FOLH1: variants seen among roughly 807,000 people sequenced by gnomAD.
FOLH1 encodes glutamate carboxypeptidase 2.
A neutral mutation model predicts 93.9 loss-of-function variants in FOLH1; 54 were observed. That is an observed-to-expected ratio of 0.57 (90% CI 0.46 to 0.72). The LOEUF (loss-of-function observed/expected upper bound fraction) is 0.72. Ranked by LOEUF, FOLH1 falls within the 30% of genes least tolerant of loss-of-function variation. The pLI, the probability that FOLH1 is intolerant of heterozygous loss-of-function variation, is 0.00. For missense variants in FOLH1, 571 were observed against 892.5 expected (o/e 0.64, Z 4.59); for synonymous variants, 249 against 303.6 (o/e 0.82, Z 1.87).
chr11:49,207,012 G>A (rs996492420), intron 1 of FOLH1: 4 of 554,520 alleles, frequency 7.2e-6, no homozygotes, highest in Admixed American at 6.5e-5. Context: ...TTAATCGCAT[G>A]CATACAAATG....
chr11:49,185,519 C>T (rs1861264382), intron 6 of FOLH1, 150 bp downstream of exon 6: 1 of 1,040,284 alleles, frequency 9.6e-7, no homozygotes, highest in Non-Finnish European at 1.4e-6. Context: ...GGGGCCTGAA[C>T]CAATCACTTT....
At chr11:49,170,342 T>C (rs867631037) in intron 11 of FOLH1, among the ~76,000 whole-genome samples, 33 of 152,286 alleles carry the variant, frequency 2.2e-4, no homozygotes, top group South Asian at 2.1e-3. Flanking sequence ...CGGCCAGGCA[T>C]GGTGACGCAC....
chr11:49,151,405 C>T (rs144482049), intron 17 of FOLH1, among the ~76,000 whole-genome samples: 5 of 150,318 alleles, frequency 3.3e-5, no homozygotes, highest in East Asian at 3.9e-4. Flanking sequence ...TGCGCGCGTG[C>T]GCGTGCGTGC....
chr11:49,185,081 T>C (rs1440773508), intron 6 of FOLH1, among the ~76,000 whole-genome samples: 4 of 152,204 alleles, frequency 2.6e-5, no homozygotes, highest in African/African-American at 7.2e-5. Flanking sequence ...GTTATCTCTG[T>C]TATCTTACAG....
intron 15 of FOLH1, among the ~76,000 whole-genome samples, chr11:49,155,796 A>ATG (rs1491229666): frequency 3.4e-4 from 2 of 5,940 alleles, no homozygotes; most frequent in African/African-American, 1.5e-3. Flanking sequence ...AATGAAAACC[A>ATG]TATATATATA....
At chr11:49,198,761 T>C (rs920547437) in intron 3 of FOLH1, among the ~76,000 whole-genome samples, 4 of 151,694 alleles carry the variant, frequency 2.6e-5, no homozygotes, top group African/African-American at 9.7e-5. Flanking sequence ...TTTTAGGGTT[T>C]TTTTAGTTTG....
intron 17 of FOLH1, 121 bp downstream of exon 17, chr11:49,153,725 T>A (rs936472649): frequency 5.2e-5 from 35 of 678,642 alleles, no homozygotes; most frequent in Admixed American, 7.5e-5. Context: ...AAAACAAATT[T>A]AAAAAAAAGA....
intron 13 of FOLH1, among the ~76,000 whole-genome samples, chr11:49,160,911 G>A (rs202724): frequency 0.18 from 27,583 of 152,104 alleles, 2,919 homozygotes; most frequent in African/African-American, 0.28. Context: ...TCATTCAGGA[G>A]CAGGTTATTC....
At chr11:49,192,705 C>G (rs1255378199) in intron 4 of FOLH1, 88 bp downstream of exon 4, 8 of 1,055,920 alleles carry the variant, frequency 7.6e-6, no homozygotes, top group Non-Finnish European at 1.1e-5. Context: ...ATTAAAAGTC[C>G]CTTTATGACC....
intron 1 of FOLH1, chr11:49,207,678 C>T: frequency 8.7e-6 from 3 of 346,238 alleles, no homozygotes; most frequent in South Asian, 4.4e-5. Context: ...GGGTAACTAA[C>T]GCTGAGAGGG....
At chr11:49,162,041 C>A (rs1857763728) in intron 13 of FOLH1, among the ~76,000 whole-genome samples, 1 of 152,172 alleles carries the variant, frequency 6.6e-6, no homozygotes, top group Admixed American at 6.5e-5. Context: ...GCCTTTCCCT[C>A]TAGCTGCCTT....
intron 7 of FOLH1, among the ~76,000 whole-genome samples, chr11:49,181,473 T>C (rs1301690260): frequency 6.6e-6 from 1 of 152,098 alleles, no homozygotes; most frequent in African/African-American, 2.4e-5. Flanking sequence ...AAATTTGCTT[T>C]TCTTCACTTA....
At chr11:49,159,674 A>G (rs1249020899) in intron 13 of FOLH1, among the ~76,000 whole-genome samples, 1 of 152,070 alleles carries the variant, frequency 6.6e-6, no homozygotes, top group African/African-American at 2.4e-5. Context: ...CTCTCCTCCT[A>G]ATTATTTGGC....
chr11:49,199,511 C>A (rs974581226), intron 3 of FOLH1, among the ~76,000 whole-genome samples: 5 of 152,134 alleles, frequency 3.3e-5, no homozygotes, highest in Admixed American at 6.5e-5. Context: ...GAGACATAAT[C>A]ATTAAGTACC....
intron 4 of FOLH1, among the ~76,000 whole-genome samples, chr11:49,190,711 T>C (rs575776496): frequency 2.0e-5 from 3 of 152,316 alleles, no homozygotes; most frequent in African/African-American, 7.2e-5. Flanking sequence ...AGATAGACTA[T>C]ATTTTATGAA....
rs1856057138 is a variant in FOLH1, at chr11:49,148,643, A to G, written c.2059T>C (p.Tyr687His). 1.3e-6 allele frequency: 2 copies of G among 1,586,592 alleles called. No homozygotes were observed. ...DPLGLPDRPF[Y>H]RHVIYAPSSH... ...AGTCATATTTTCTTTTCTTACCTAT[A>G]AAAAGGCCTGTCTGGTAACCCTAAT... Residue 687 changes from tyrosine to histidine, a missense_variant, in exon 18 of 19, where the codon TAT (tyrosine) becomes CAT (histidine). Physicochemically the swap from Tyr to His is moderately conservative, Grantham distance 83. Transcript: ENST00000256999.
At chr11:49,154,158 T>C in intron 16 of FOLH1, 70 bp downstream of exon 16, 3 of 1,572,858 alleles carry the variant, frequency 1.9e-6, no homozygotes, top group South Asian at 2.4e-5. Context: ...TGACCTAAGA[T>C]AGCCCATTAT....
intron 11 of FOLH1, among the ~76,000 whole-genome samples, chr11:49,169,620 T>C (rs1383024110): frequency 6.6e-6 from 1 of 152,184 alleles, no homozygotes; most frequent in African/African-American, 2.4e-5. Context: ...CCTATAAACA[T>C]CTCATTATTT....
At chr11:49,204,880 T>C (rs1164493153) in intron 2 of FOLH1, among the ~76,000 whole-genome samples, 2 of 152,030 alleles carry the variant, frequency 1.3e-5, no homozygotes, top group African/African-American at 4.8e-5. Flanking sequence ...ACTCAATTTG[T>C]AAAAATTCAC....
Sources: gnomAD v4.1 joint callset for allele counts (sites outside exome capture counted in the v4.1 genomes callset) on GRCh38, gnomAD v4.1.1 for gene constraint, MANE v1.5 for transcripts, NCBI Gene and HGNC (gene_info 2026-07-23, HGNC 2026-07-21) for gene names.